PRKAR2A: variants seen among roughly 807,000 people sequenced by gnomAD.
PRKAR2A encodes the protein protein kinase cAMP-dependent type II regulatory subunit alpha.
In PRKAR2A, 29 loss-of-function variants were observed where a neutral mutation model predicts 51.9. The observed-to-expected ratio is 0.56, with a 90% CI of 0.42 to 0.76. PRKAR2A has a LOEUF of 0.76. PRKAR2A is among the 30% of genes least tolerant of loss of function. PRKAR2A has a pLI of 0.00. For missense variants in PRKAR2A, 445 were observed against 512.1 expected, an observed-to-expected ratio of 0.87 and a Z score of 1.26; for synonymous variants, 178 against 186.2, an observed-to-expected ratio of 0.96 and a Z score of 0.36.
intron 2 of PRKAR2A, among the ~76,000 whole-genome samples, chr3:48,803,762 C>T (rs544141081): frequency 1.3e-5 from 2 of 152,236 alleles, no homozygotes; most frequent in South Asian, 4.1e-4. Flanking sequence ...CAGTGGCTTA[C>T]GCTGGGAGGC....
chr3:48,845,946 TAAAAA>T (rs879935714), intron 1 of PRKAR2A, among the ~76,000 whole-genome samples: 1 of 143,090 alleles, frequency 7.0e-6, no homozygotes, highest in Non-Finnish European at 1.5e-5. Context: ...ATCCTGACTT[TAAAAA>T]AAAAAAAAGG....
At chr3:48,807,288 C>A (rs2082688273) in intron 2 of PRKAR2A, among the ~76,000 whole-genome samples, 1 of 151,920 alleles carries the variant, frequency 6.6e-6, no homozygotes, top group Non-Finnish European at 1.5e-5. Context: ...ACTTCCAGCA[C>A]CAAAACTGAG....
chr3:48,831,127 T>C (rs1315610941), intron 1 of PRKAR2A, among the ~76,000 whole-genome samples: 10 of 152,154 alleles, frequency 6.6e-5, no homozygotes, highest in Non-Finnish European at 1.5e-5. Flanking sequence ...ACTATACTTT[T>C]ATACAACTGA....
At chr3:48,844,479 A>C (rs1328571304) in intron 1 of PRKAR2A, among the ~76,000 whole-genome samples, 4 of 150,310 alleles carry the variant, frequency 2.7e-5, no homozygotes, top group African/African-American at 9.8e-5. Flanking sequence ...CAGCCATCCC[A>C]TTACTGGGTA....
intron 6 of PRKAR2A, 48 bp from the exon 7 acceptor site, chr3:48,765,397 C>T (rs1413793705): frequency 1.5e-6 from 2 of 1,312,178 alleles, no homozygotes; most frequent in Admixed American, 2.3e-5. Context: ...TATACAGGAA[C>T]ATCTATGGTT....
At chr3:48,818,278 G>A (rs1456646526) in intron 1 of PRKAR2A, among the ~76,000 whole-genome samples, 5 of 152,090 alleles carry the variant, frequency 3.3e-5, no homozygotes, top group South Asian at 2.1e-4. Context: ...CTGCCCTGCC[G>A]AATTATTTGT....
At chr3:48,817,342 A>C (rs2082890283) in intron 1 of PRKAR2A, among the ~76,000 whole-genome samples, 1 of 136,760 alleles carries the variant, frequency 7.3e-6, no homozygotes, top group Non-Finnish European at 1.7e-5. Context: ...TAAATAAATA[A>C]ATAAATAAAT....
intron 5 of PRKAR2A, among the ~76,000 whole-genome samples, chr3:48,782,028 T>G (rs890865820): frequency 2.6e-5 from 4 of 152,190 alleles, no homozygotes; most frequent in African/African-American, 9.7e-5. Flanking sequence ...GTTTCCTTTT[T>G]ATTATCTAGC....
At chr3:48,830,128 G>C (rs962877284) in intron 1 of PRKAR2A, among the ~76,000 whole-genome samples, 4 of 151,554 alleles carry the variant, frequency 2.6e-5, no homozygotes, top group Admixed American at 2.0e-4. Context: ...ACTCGAACCT[G>C]GGAAGCGGAG....
intron 5 of PRKAR2A, among the ~76,000 whole-genome samples, chr3:48,777,400 C>A (rs1216002352): frequency 1.3e-5 from 2 of 151,704 alleles, no homozygotes; most frequent in East Asian, 1.9e-4. Flanking sequence ...TAATTTCTAT[C>A]CTGTTTGTAT....
At chr3:48,812,568 C>G (rs1340898939) in intron 1 of PRKAR2A, among the ~76,000 whole-genome samples, 1 of 151,712 alleles carries the variant, frequency 6.6e-6, no homozygotes, top group African/African-American at 2.4e-5. Flanking sequence ...CTGCAAGCTC[C>G]GCCTCCCAGG....
chr3:48,745,916 A>G (rs1264446214), downstream of PRKAR2A, among the ~76,000 whole-genome samples: 1 of 152,152 alleles, frequency 6.6e-6, no homozygotes, highest in Non-Finnish European at 1.5e-5. Context: ...TCATCCAATC[A>G]GTCGAAGGCG....
At chr3:48,754,033 G>C (rs935855384) in intron 9 of PRKAR2A, among the ~76,000 whole-genome samples, 1 of 150,846 alleles carries the variant, frequency 6.6e-6, no homozygotes, top group African/African-American at 2.4e-5. Context: ...GAGTAGCTGG[G>C]ACTACAGGTG....
chr3:48,773,652 A>AGAG (rs2082063247), intron 5 of PRKAR2A, among the ~76,000 whole-genome samples: 1 of 151,394 alleles, frequency 6.6e-6, no homozygotes, highest in South Asian at 2.1e-4. Flanking sequence ...TTTTCTACAT[A>AGAG]GAGGATCATG....
At chr3:48,764,061 T>C (rs1179793880) in intron 8 of PRKAR2A, among the ~76,000 whole-genome samples, 2 of 152,170 alleles carry the variant, frequency 1.3e-5, no homozygotes, top group East Asian at 1.9e-4. Context: ...AATCTGAGCC[T>C]TTCCTCCTCG....
intron 2 of PRKAR2A, among the ~76,000 whole-genome samples, chr3:48,803,609 A>G (rs2082625103): frequency 6.6e-6 from 1 of 152,100 alleles, no homozygotes; most frequent in African/African-American, 2.4e-5. Context: ...TATTTTTAGT[A>G]AAGACAGGGT....
At position 48,847,322 on chromosome 3, in the gene PRKAR2A, G is replaced by A. The variant is rs751060342; in HGVS notation, c.262+13C>T. On this transcript the variant is annotated intron_variant, in intron 1 of 10. Transcript: ENST00000265563. This position sits in a 1 kb window ranked among gnomAD's most constrained non-coding sequence, Gnocchi z 4.4. Reference sequence around the variant, plus strand: ...CTCCTGCACCACTCCCCAGGGCCCCGCCCACAGCCTACCTTCCAAGTCCTC... The same window carrying A: ...CTCCTGCACCACTCCCCAGGGCCCCACCCACAGCCTACCTTCCAAGTCCTC... 3 of 1,612,772 alleles carry A rather than the reference G, an allele frequency of 1.9e-6. No homozygotes were observed. The highest frequency in any genetic ancestry group is 1.1e-5 in the South Asian group (1 of 90,990).
In PRKAR2A at chr3:48,796,653, T is replaced by C. The variant is rs369654696; in HGVS notation, c.299-2604A>G. Reference sequence around the variant, plus strand: ...GGGATTACAAGTGCTAATTTTTATATTTTTAGTAGAGACGGGGTTTTTTTT... The same window carrying C: ...GGGATTACAAGTGCTAATTTTTATACTTTTAGTAGAGACGGGGTTTTTTTT... On this transcript the variant is annotated intron_variant, in intron 2 of 10. Transcript: ENST00000265563. 7.4e-3 allele frequency among the ~76,000 whole-genome samples: 1,084 copies of C among 146,646 alleles called. 17 individuals carry two copies. The highest frequency in any genetic ancestry group is 0.045 in the South Asian group (208 of 4,582).
intron 1 of PRKAR2A, among the ~76,000 whole-genome samples, chr3:48,826,373 C>T (rs1256226083): frequency 6.6e-6 from 1 of 152,120 alleles, no homozygotes; most frequent in Non-Finnish European, 1.5e-5. Flanking sequence ...ATAAAGGATA[C>T]AAATTTGGGC....
Sources: allele counts gnomAD v4.1 joint callset (sites outside exome capture counted in the v4.1 genomes callset), GRCh38; gene constraint gnomAD v4.1.1; non-coding constraint Gnocchi (gnomAD v3.1); transcripts MANE v1.5; gene names NCBI Gene and HGNC (gene_info 2026-07-23, HGNC 2026-07-21).